Variants in RECQL observed in about 807,000 individuals in gnomAD.
The protein encoded by RECQL is RecQ like helicase, also known as ATP-dependent DNA helicase Q1.
RECQL carries 73 observed loss-of-function variants against 75.8 expected under a neutral mutation model. The ratio of observed to expected loss-of-function variants is 0.96; its 90% CI spans 0.80 to 1.17. The LOEUF (loss-of-function observed/expected upper bound fraction) is 1.17, where lower values mean the gene tolerates loss of function less well. RECQL is among the 50% of genes most tolerant of loss of function. RECQL has a pLI of 0.00. For synonymous variants in RECQL, 248 were observed against 254.4 expected, an observed-to-expected ratio of 0.97 and a Z score of 0.24; for missense variants, 699 against 772.1, an observed-to-expected ratio of 0.91 and a Z score of 1.12.
intron 11 of RECQL, among the ~76,000 whole-genome samples, 199 bp from the exon 12 acceptor site, chr12:21,473,841 T>A (rs531977339): frequency 1.3e-5 from 2 of 152,214 alleles, no homozygotes; most frequent in African/African-American, 4.8e-5. Context: ...TTTCACTGGA[T>A]CAAAATCAGA....
chr12:21,474,979 C>T lies in RECQL; in HGVS notation c.1217G>A (p.Gly406Asp), dbSNP rs1464107006. 1.2e-6 allele frequency: 2 copies of T among 1,610,990 alleles called. No individual in the cohort carries two copies. Among genetic ancestry groups the T allele is most frequent in the Middle Eastern group, 1.7e-4 (1 of 6,040 alleles). ...ENYYQESGRA[G>D]RDDMKADCIL... ...ACAGTCTGCTTTCATGTCATCTCGACCTGTGGTGTGAGAAACCTTGAGATT... is the reference window on the plus strand; with the variant it reads ...ACAGTCTGCTTTCATGTCATCTCGATCTGTGGTGTGAGAAACCTTGAGATT... The change falls in exon 11 of 15, where the codon GGT (glycine) becomes GAT (aspartate). Residue 406 changes from glycine to aspartate, a missense_variant and splice_region_variant. By Grantham distance (94) the Gly-to-Asp change is moderately conservative. Coordinates refer to ENST00000444129, the MANE Select transcript of RECQL (RefSeq NM_002907.4).
chr12:21,480,224 C>G (rs981756846), intron 6 of RECQL, among the ~76,000 whole-genome samples: 4 of 152,098 alleles, frequency 2.6e-5, no homozygotes, highest in African/African-American at 9.7e-5. Flanking sequence ...GGGTTTTATT[C>G]TAAGTACACA....
In RECQL at chr12:21,481,716, CG is replaced by C. The variant is rs1943195081; in HGVS notation, c.700+1659del. On this transcript the variant is annotated intron_variant, in intron 6 of 14. Transcript: ENST00000444129. The stretch of plus-strand genomic sequence containing the variant: ...TACAAGCTCACTATCCCTGGAGAAA[CG>C]TAAGAAAGGGTAAAGACTGAGGTCA... Among the ~76,000 whole-genome samples, 3 of 151,942 alleles carry C rather than the reference CG, an allele frequency of 2.0e-5. No individual in the cohort carries two copies. The South Asian group carries it at 6.2e-4, about 32-fold the overall frequency.
At position 21,483,433 on chromosome 12, in the gene RECQL, G is replaced by T. The variant is rs376839517; in HGVS notation, c.643C>A (p.Arg215=). 6.2e-7 allele frequency: 1 copy of T among 1,606,122 alleles called. No individual in the cohort carries two copies. Among genetic ancestry groups the T allele is most frequent in the Non-Finnish European group, 8.5e-7 (1 of 1,177,870 alleles). ...CAGTGAACTTCATCCACAGCAATTCGAGTAAATCTCCTTGCTTCATAGGCT... is the reference window on the plus strand; with the variant it reads ...CAGTGAACTTCATCCACAGCAATTCTAGTAAATCTCCTTGCTTCATAGGCT... ...EKAYEARRFT[R]IAVDEVHCCS... The change falls in exon 6 of 15, where the codon CGA becomes AGA. Residue 215 remains arginine, a synonymous_variant. Transcript: ENST00000444129.
At chr12:21,473,672 TAAAGG>T in intron 11 of RECQL, 30 bp from the exon 12 acceptor site, 2 of 1,570,306 alleles carry the variant, frequency 1.3e-6, no homozygotes, top group Non-Finnish European at 1.7e-6. Flanking sequence ...TACAAATTAT[TAAAGG>T]ATATAATAAA....
At chr12:21,495,008 G>A (rs1442804354) in intron 2 of RECQL, among the ~76,000 whole-genome samples, 1 of 152,228 alleles carries the variant, frequency 6.6e-6, no homozygotes, top group Admixed American at 6.5e-5. Flanking sequence ...TGACCGACAA[G>A]ATCTTGGATT....
At chr12:21,473,523 A>G (rs761361397) in intron 12 of RECQL, 28 bp downstream of exon 12, 2 of 1,558,918 alleles carry the variant, frequency 1.3e-6, no homozygotes, top group East Asian at 2.2e-5. Flanking sequence ...GTATTAGCCT[A>G]TAAAGGTTTA....
intron 3 of RECQL, 137 bp from the exon 4 acceptor site, chr12:21,490,515 C>T (rs777981988): frequency 1.7e-6 from 1 of 578,084 alleles, no homozygotes; most frequent in Non-Finnish European, 3.0e-6. Context: ...GAGATTAACT[C>T]ACTAGCTAAG....
chr12:21,487,102 C>CAAGT (rs974812090), intron 4 of RECQL, among the ~76,000 whole-genome samples: 1 of 5,494 alleles, frequency 1.8e-4, no homozygotes, highest in African/African-American at 2.2e-4. Context: ...AAGTAGAAGC[C>CAAGT]AAATAAACAT....
At position 21,483,518 on chromosome 12, in the gene RECQL, C is replaced by A; in HGVS notation, c.558G>T (p.Leu186=). 6.3e-7 allele frequency: 1 copy of A among 1,584,914 alleles called. No individual in the cohort carries two copies. The highest frequency in any genetic ancestry group is 1.2e-5 in the South Asian group (1 of 85,646). The change falls in exon 6 of 15, where the codon CTG becomes CTT. Residue 186 remains leucine, a synonymous_variant. Coordinates refer to ENST00000444129, the MANE Select transcript of RECQL (RefSeq NM_002907.4). ...CAATTTTCTCTGGAGTCACATAAAT[C>A]AGCTTTAACTCGGAGTTTTTATTTA... ...EMVNKNSELK[L]IYVTPEKIAK...
intron 8 of RECQL, among the ~76,000 whole-genome samples, chr12:21,476,428 A>T (rs955480549): frequency 9.2e-5 from 14 of 152,018 alleles, no homozygotes; most frequent in African/African-American, 3.4e-4. Context: ...CTTCAGTAAC[A>T]TTTGCTTAGT....
chr12:21,473,876 C>G (rs951117088), intron 11 of RECQL, among the ~76,000 whole-genome samples: 2 of 152,052 alleles, frequency 1.3e-5, no homozygotes, highest in African/African-American at 4.8e-5. Flanking sequence ...TCACATCACA[C>G]AATCTAAAAT....
chr12:21,489,410 GA>G (rs1943367000), intron 4 of RECQL, among the ~76,000 whole-genome samples: 1 of 152,158 alleles, frequency 6.6e-6, no homozygotes, highest in South Asian at 2.1e-4. Context: ...TAGCACTAGC[GA>G]ACTTGTTAGA....
Position 21,490,210 on chromosome 12 carries a change from A to C in RECQL, c.383T>G (p.Leu128Ter). Residue 128 changes from leucine (L) to a stop codon, truncating the protein, a stop_gained, in exon 4 of 15, where the codon TTA (leucine) becomes TGA (stop). Coordinates refer to ENST00000444129, the MANE Select transcript of RECQL (RefSeq NM_002907.4). LOFTEE classifies it high-confidence loss of function. ...TTTTTAGTACATACCATCTGAACAT[A>C]ATGCTGGTAACTGGTAACATAAGCT... is the stretch of plus-strand genomic sequence containing the variant. ...GKSLCYQLPALCSDGFTLVIC... is the reference protein window; with the variant it reads ...GKSLCYQLPA 6.2e-7 allele frequency: 1 copy of C among 1,606,968 alleles called. No homozygotes were observed. Among genetic ancestry groups the C allele is most frequent in the Non-Finnish European group, 8.5e-7 (1 of 1,174,432 alleles).
chr12:21,480,171 G>C (rs1305804852), intron 6 of RECQL, among the ~76,000 whole-genome samples: 2 of 152,122 alleles, frequency 1.3e-5, no homozygotes, highest in Non-Finnish European at 2.9e-5. Flanking sequence ...AGACAGATGG[G>C]GGCAGATCAC....
chr12:21,499,973 C>T (rs986594784), intron 1 of RECQL, among the ~76,000 whole-genome samples: 38 of 152,182 alleles, frequency 2.5e-4, no homozygotes, highest in Admixed American at 2.4e-3. Flanking sequence ...ACAGGTCTAG[C>T]ACCAATTGCT....
chr12:21,475,009 A>T (rs952799573), intron 10 of RECQL, 30 bp from the exon 11 acceptor site: 1 of 1,597,956 alleles, frequency 6.3e-7, no homozygotes. Context: ...GAGATTGCAG[A>T]ATTACATTTA....
chr12:21,479,397 G>A (rs1943150023), intron 6 of RECQL, among the ~76,000 whole-genome samples: 1 of 145,172 alleles, frequency 6.9e-6, no homozygotes, highest in Non-Finnish European at 1.5e-5. Flanking sequence ...CTGTCACCCA[G>A]GTTGGAGTGC....
intron 6 of RECQL, 86 bp downstream of exon 6, chr12:21,483,290 A>C: frequency 1.1e-6 from 1 of 874,292 alleles, no homozygotes; most frequent in Non-Finnish European, 1.8e-6. Flanking sequence ...GGATGATTTT[A>C]ATAGAAGCAG....
Sources: gnomAD v4.1 joint callset for allele counts (sites outside exome capture counted in the v4.1 genomes callset) on GRCh38, gnomAD v4.1.1 for gene constraint, MANE v1.5 for transcripts, NCBI Gene and HGNC (gene_info 2026-07-23, HGNC 2026-07-21) for gene names.